Variants in RNF170 observed in about 807,000 individuals in gnomAD.
RNF170 encodes the protein ring finger protein 170.
In RNF170, 12 loss-of-function variants were observed where a neutral mutation model predicts 32.7. The observed-to-expected ratio is 0.37, with a 90% CI of 0.24 to 0.60. The LOEUF (loss-of-function observed/expected upper bound fraction) is 0.60, where lower values mean the gene tolerates loss of function less well. RNF170 is among the 20% of genes least tolerant of loss of function. RNF170 has a pLI of 0.72. For missense variants in RNF170, 212 were observed against 311.2 expected, an observed-to-expected ratio of 0.68 and a Z score of 2.40; for synonymous variants, 91 against 103.6, an observed-to-expected ratio of 0.88 and a Z score of 0.74.
downstream of RNF170, among the ~76,000 whole-genome samples, chr8:42,852,632 G>A (rs541953667): frequency 5.5e-4 from 83 of 152,122 alleles, no homozygotes; most frequent in Admixed American, 1.2e-3. Context: ...GGCCAGGCTG[G>A]TCTCAAACTC....
At chr8:42,886,711 G>A (rs1306581370) in intron 2 of RNF170, among the ~76,000 whole-genome samples, 4 of 152,170 alleles carry the variant, frequency 2.6e-5, no homozygotes, top group Non-Finnish European at 5.9e-5. Flanking sequence ...ACCGGCGTGA[G>A]CCACCACATC....
intron 2 of RNF170, among the ~76,000 whole-genome samples, chr8:42,886,674 G>C (rs774882138): frequency 1.3e-5 from 2 of 152,068 alleles, no homozygotes; most frequent in Admixed American, 6.5e-5. Context: ...TGATCCGCCT[G>C]CCTCAGCCTC....
chr8:42,865,991 A>G (rs1219472863), intron 4 of RNF170, among the ~76,000 whole-genome samples: 1 of 152,186 alleles, frequency 6.6e-6, no homozygotes, highest in Non-Finnish European at 1.5e-5. Context: ...TCTCAAAAAA[A>G]ACCTCCAAGT....
intron 2 of RNF170, among the ~76,000 whole-genome samples, chr8:42,887,207 G>A (rs1586552216): frequency 1.3e-5 from 2 of 152,146 alleles, no homozygotes; most frequent in Admixed American, 6.5e-5. Context: ...CAGGAGAATC[G>A]CTTGAACCCC....
downstream of RNF170, chr8:42,850,498 T>C: frequency 2.4e-6 from 1 of 414,762 alleles, no homozygotes. Flanking sequence ...CTTTCCTGTC[T>C]TTCCCTTGCT....
At chr8:42,865,327 CAAT>C (rs1445020431) in intron 5 of RNF170, 86 bp downstream of exon 5, 41 of 937,340 alleles carry the variant, frequency 4.4e-5, no homozygotes, top group African/African-American at 8.1e-5. Flanking sequence ...GCTAAAAAGA[CAAT>C]AATAATTCCA....
chr8:42,882,368 G>A (rs1412106454), intron 2 of RNF170, among the ~76,000 whole-genome samples: 1 of 152,146 alleles, frequency 6.6e-6, no homozygotes, highest in Non-Finnish European at 1.5e-5. Flanking sequence ...AATATGGTAT[G>A]TACATACAAT....
chr8:42,850,618 T>C, downstream of RNF170: 2 of 756,164 alleles, frequency 2.6e-6, no homozygotes, highest in Non-Finnish European at 4.3e-6. Flanking sequence ...TTCATAGAGC[T>C]TGTGTTCTAG....
intron 2 of RNF170, among the ~76,000 whole-genome samples, chr8:42,885,721 G>A (rs1187055468): frequency 6.6e-6 from 1 of 152,064 alleles, no homozygotes; most frequent in Non-Finnish European, 1.5e-5. Flanking sequence ...GTCTTCTTTT[G>A]AAAGATGTCT....
intron 4 of RNF170, among the ~76,000 whole-genome samples, chr8:42,867,775 CAAAAAAAAA>C (rs1054907767): frequency 4.0e-5 from 1 of 24,772 alleles, no homozygotes; most frequent in East Asian, 1.2e-3. Flanking sequence ...GACTCCATCT[CAAAAAAAAA>C]AAAAAAAAAA....
chr8:42,858,847 A>G (rs1450583362), intron 6 of RNF170, among the ~76,000 whole-genome samples: 1 of 152,198 alleles, frequency 6.6e-6, no homozygotes, highest in South Asian at 2.1e-4. Flanking sequence ...GGAGGACCAG[A>G]TCATGTGGCG....
intron 5 of RNF170, among the ~76,000 whole-genome samples, chr8:42,862,663 G>C (rs1803748232): frequency 6.6e-6 from 1 of 152,202 alleles, no homozygotes; most frequent in Admixed American, 6.5e-5. Context: ...CCACTGTTTA[G>C]ATGCTTTCCA....
At chr8:42,878,531 T>C (rs975859297) in intron 2 of RNF170, among the ~76,000 whole-genome samples, 1 of 152,180 alleles carries the variant, frequency 6.6e-6, no homozygotes, top group Non-Finnish European at 1.5e-5. Context: ...CTCTTCAATT[T>C]TGTGAAGCTG....
upstream of RNF170, chr8:42,897,081 G>C (rs1276247179): frequency 4.1e-6 from 5 of 1,226,700 alleles, no homozygotes; most frequent in Non-Finnish European, 5.1e-6. Context: ...CCGACAGAGC[G>C]GCGGCGGTGT....
intron 2 of RNF170, among the ~76,000 whole-genome samples, chr8:42,879,982 T>C (rs577884742): frequency 2.0e-5 from 3 of 152,270 alleles, no homozygotes; most frequent in South Asian, 4.1e-4. Context: ...ACCAAAAACA[T>C]TCTTAATTCA....
chr8:42,864,023 C>A lies in RNF170; in HGVS notation c.396+1393G>T, dbSNP rs1163121192. ...TGTGTGTGTGTGTGTGAACATTCCA[C>A]CCACGGGTAAGTGGAGGAATACTTT... On this transcript the variant is annotated intron_variant, in intron 5 of 6. Coordinates refer to ENST00000527424, the MANE Select transcript of RNF170 (RefSeq NM_030954.4). 2.1e-5 allele frequency among the ~76,000 whole-genome samples: 3 copies of A among 144,416 alleles called. No individual in the cohort carries two copies. The Admixed American group carries it at 2.1e-4, about 10-fold the overall frequency. The allele number at this position is 144,416 out of a possible 152,430, so 94.7% of individuals were successfully genotyped here.
chr8:42,896,763 G>GGCGGCA (rs1806961463), upstream of RNF170: 1 of 146,430 alleles, frequency 6.8e-6, no homozygotes, highest in Non-Finnish European at 1.5e-5. Flanking sequence ...CGGCGGCGGC[G>GGCGGCA]GCGGCGGCGG....
At chr8:42,891,940 A>C (rs1806335908) in intron 1 of RNF170, among the ~76,000 whole-genome samples, 1 of 152,212 alleles carries the variant, frequency 6.6e-6, no homozygotes, top group South Asian at 2.1e-4. Context: ...AGTATGAATT[A>C]CTTTAACAAG....
At chr8:42,875,920 C>T (rs1328319973) in intron 2 of RNF170, among the ~76,000 whole-genome samples, 2 of 152,114 alleles carry the variant, frequency 1.3e-5, no homozygotes, top group South Asian at 2.1e-4. Flanking sequence ...AAATAAGGCA[C>T]ATTTTTATGA....
Sources: allele counts gnomAD v4.1 joint callset (sites outside exome capture counted in the v4.1 genomes callset), GRCh38; gene constraint gnomAD v4.1.1; transcripts MANE v1.5; gene names NCBI Gene and HGNC (gene_info 2026-07-23, HGNC 2026-07-21).